The following SCML4 variants were observed in gnomAD, a reference collection of about 807,000 sequenced individuals.
SCML4 encodes Scm polycomb group protein like 4.
A neutral mutation model predicts 41.1 loss-of-function variants in SCML4; 34 were observed. The ratio of observed to expected loss-of-function variants is 0.83; its 90% confidence interval spans 0.63 to 1.10. The LOEUF is 1.10. Among genes scored for constraint, SCML4 ranks in the 50% least tolerant of loss-of-function variants. The pLI, the probability that SCML4 is intolerant of heterozygous loss-of-function variation, is 0.00. For synonymous variants in SCML4, 214 were observed against 220.9 expected (o/e 0.97, Z 0.28); for missense variants, 522 against 534.1 (o/e 0.98, Z 0.22).
At chr6:107,792,119 T>G (rs1331778522) in intron 1 of SCML4, among the ~76,000 whole-genome samples, 1 of 152,222 alleles carries the variant, frequency 6.6e-6, no homozygotes, top group East Asian at 1.9e-4. Context: ...CCCGAGATTA[T>G]TTCATGGATC....
chr6:107,844,031 G>C, the SCML4 span, among the ~76,000 whole-genome samples: 1 of 152,102 alleles, frequency 6.6e-6, no homozygotes, highest in Non-Finnish European at 1.5e-5. Flanking sequence ...TGGCAGATTG[G>C]GTGGGAGAAA....
chr6:107,767,208 G>A (rs1044117828), intron 2 of SCML4, among the ~76,000 whole-genome samples: 1 of 151,850 alleles, frequency 6.6e-6, no homozygotes, highest in Non-Finnish European at 1.5e-5. Context: ...CATCCACCTC[G>A]GCCTCCCAAA....
At chr6:107,755,540 G>C in intron 2 of SCML4, 1 of 1,158,398 alleles carries the variant, frequency 8.6e-7, no homozygotes, top group Non-Finnish European at 1.1e-6. Context: ...TTGCTCTAGT[G>C]TGATGCAGGG....
rs540802544 is a variant in SCML4 at position 107,703,335 on chromosome 6, T to C, written c.*1865A>G. ...TCGGGACCCCCTTCCTGTAACAAAATCACCAGACATCAAGCTCTTCTACAA... is the reference window on the plus strand; with the variant it reads ...TCGGGACCCCCTTCCTGTAACAAAACCACCAGACATCAAGCTCTTCTACAA... On this transcript the variant is annotated 3_prime_UTR_variant, in exon 8 of 8. Transcript: ENST00000369020. 3.9e-5 allele frequency among the ~76,000 whole-genome samples: 6 copies of C among 152,228 alleles called. No individual in the cohort carries two copies. In the East Asian group the frequency reaches 1.2e-3, roughly 29 times the overall value.
the SCML4 span, among the ~76,000 whole-genome samples, chr6:107,835,997 G>A: frequency 1.3e-5 from 2 of 152,042 alleles, no homozygotes; most frequent in Non-Finnish European, 2.9e-5. Context: ...CCAGTTTGTG[G>A]TTGTATTTCG....
chr6:107,749,858 C>G, intron 2 of SCML4, 45 bp from the exon 3 acceptor site: 1 of 1,603,684 alleles, frequency 6.2e-7, no homozygotes, highest in East Asian at 2.2e-5. Flanking sequence ...TGGCAATTCT[C>G]TCTACACTCT....
rs368151099 is a variant in SCML4, at chr6:107,745,292, T to C, written c.488-149A>G. 32 of 621,926 alleles carry C rather than the reference T, an allele frequency of 5.1e-5. 1 individual carries two copies. In the South Asian group the frequency reaches 6.7e-4, roughly 13 times the overall value. 38.5% of individuals were successfully genotyped at this position (621,926 alleles called of 1,614,324 possible). A position where few individuals can be genotyped will look rare whatever the true frequency, so the allele number is the denominator to read the frequency against. The stretch of plus-strand genomic sequence containing the variant: ...TTTCACCTGTTTGTTCACAATGTCC[T>C]GTTTCTGGTGGGGATCCCACCCAGG... On this transcript the variant is annotated intron_variant, in intron 4 of 7. Coordinates refer to ENST00000369020, the MANE Select transcript of SCML4 (RefSeq NM_198081.5).
intron 5 of SCML4, 102 bp from the exon 6 acceptor site, chr6:107,721,095 A>G: frequency 7.2e-7 from 1 of 1,380,688 alleles, no homozygotes; most frequent in African/African-American, 1.5e-5. Context: ...CACAGTAGCC[A>G]GTATTTGTGA....
At chr6:107,823,442 G>A (rs184027021) in intron 1 of SCML4, among the ~76,000 whole-genome samples, 205 of 152,286 alleles carry the variant, frequency 1.3e-3, no homozygotes, top group African/African-American at 4.1e-3. Context: ...CTCCACCTGG[G>A]AAGGAGGTGA....
At chr6:107,747,519 AG>A (rs1778249146) in intron 3 of SCML4, among the ~76,000 whole-genome samples, 1 of 151,992 alleles carries the variant, frequency 6.6e-6, no homozygotes, top group African/African-American at 2.4e-5. Context: ...ATTTATTTAT[AG>A]GTTATATACA....
chr6:107,784,653 T>A (rs1781746583), intron 1 of SCML4, among the ~76,000 whole-genome samples: 1 of 152,204 alleles, frequency 6.6e-6, no homozygotes, highest in African/African-American at 2.4e-5. Context: ...TGTATATTTT[T>A]AAAAAATAAA....
intron 1 of SCML4, among the ~76,000 whole-genome samples, chr6:107,802,142 C>T (rs1783188503): frequency 6.6e-6 from 1 of 152,132 alleles, no homozygotes; most frequent in Non-Finnish European, 1.5e-5. Flanking sequence ...ACTGAGGATA[C>T]AGTACGAGCA....
Position 107,720,848 on chromosome 6 carries a change from G to T in SCML4, c.828C>A (p.Asp276Glu). The T allele has an allele frequency of 6.2e-7, 1 of 1,614,176 alleles. No homozygotes were observed. Among genetic ancestry groups the T allele is most frequent in the Non-Finnish European group, 8.5e-7 (1 of 1,179,996 alleles). The change falls in exon 6 of 8, where the codon GAC becomes GAA. Residue 276 changes from aspartate (D) to glutamate (E), a missense_variant. Asp to Glu is a conservative substitution (Grantham distance 45). Transcript: ENST00000369020. ...CAGCAGGACCACCCCCAAGGTGGCT[G>T]TCTCCAGAGTTCTGCCTCTTGCAGT... ...SLYCKRQNSG[D>E]SHLGGGPAAT... is the part of the protein sequence containing the mutation.
At chr6:107,832,969 T>C in the SCML4 span, among the ~76,000 whole-genome samples, 1 of 152,182 alleles carries the variant, frequency 6.6e-6, no homozygotes, top group African/African-American at 2.4e-5. Context: ...CACATTAGCA[T>C]ATGACAAGCC....
At chr6:107,802,671 C>T (rs1783267525) in intron 1 of SCML4, among the ~76,000 whole-genome samples, 1 of 7,632 alleles carries the variant, frequency 1.3e-4, no homozygotes, top group Non-Finnish European at 5.5e-4. Flanking sequence ...CTCCCTCTCC[C>T]TCCTCTCCCT....
At chr6:107,789,967 C>A (rs1449979934) in intron 1 of SCML4, among the ~76,000 whole-genome samples, 1 of 152,224 alleles carries the variant, frequency 6.6e-6, no homozygotes, top group Non-Finnish European at 1.5e-5. Context: ...CGTACTCCCA[C>A]CGTATAGATG....
chr6:107,786,545 C>T (rs1781909709), intron 1 of SCML4, among the ~76,000 whole-genome samples: 1 of 152,354 alleles, frequency 6.6e-6, no homozygotes, highest in East Asian at 1.9e-4. Context: ...ATTGGCATCC[C>T]TGTCTCTCTG....
At chr6:107,771,576 G>C (rs1474508760) in intron 2 of SCML4, among the ~76,000 whole-genome samples, 1 of 152,136 alleles carries the variant, frequency 6.6e-6, no homozygotes, top group Non-Finnish European at 1.5e-5. Flanking sequence ...AGGGTCACAG[G>C]AATGTAATTT....
At chr6:107,810,900 C>T (rs569416167) in intron 1 of SCML4, among the ~76,000 whole-genome samples, 5 of 152,220 alleles carry the variant, frequency 3.3e-5, no homozygotes, top group African/African-American at 1.2e-4. Flanking sequence ...CTCATCCTCC[C>T]GAAGTGCTGG....
Sources: gnomAD v4.1 joint callset for allele counts (sites outside exome capture counted in the v4.1 genomes callset) on GRCh38, gnomAD v4.1.1 for gene constraint, MANE v1.5 for transcripts, NCBI Gene and HGNC (gene_info 2026-07-23, HGNC 2026-07-21) for gene names.